The following USP22 variants were observed in gnomAD, a reference collection of about 807,000 sequenced individuals.
USP22 encodes the protein ubiquitin specific peptidase 22, also known as ubiquitin carboxyl-terminal hydrolase 22.
A neutral mutation model predicts 68.1 loss-of-function variants in USP22; 22 were observed. That is an observed-to-expected ratio of 0.32 (90% CI 0.23 to 0.46). The LOEUF (loss-of-function observed/expected upper bound fraction) is 0.46, where lower values mean the gene tolerates loss of function less well. Ranked by LOEUF, USP22 falls within the 20% of genes least tolerant of loss-of-function variation. The probability of loss-of-function intolerance (pLI) is 1.00; values close to 1 mark genes in which losing one functional copy is unlikely to be tolerated. For synonymous variants in USP22, 279 were observed against 274.2 expected (o/e 1.02, Z -0.17); for missense variants, 433 against 695.8 (o/e 0.62, Z 4.25).
intron 10 of USP22, among the ~76,000 whole-genome samples, chr17:21,005,866 T>G (rs143787061): frequency 3.3e-4 from 51 of 152,310 alleles, no homozygotes; most frequent in Middle Eastern, 3.4e-3. Flanking sequence ...AGTAAAGATG[T>G]TGAGATGAGA....
chr17:21,011,469 A>G, intron 7 of USP22, 160 bp from the exon 8 acceptor site: 1 of 909,674 alleles, frequency 1.1e-6, no homozygotes, highest in Non-Finnish European at 1.6e-6. Context: ...CAGTGCTCAC[A>G]CCCAACGTGT....
chr17:21,036,411 A>C (rs191110244), intron 1 of USP22, among the ~76,000 whole-genome samples: 8 of 151,316 alleles, frequency 5.3e-5, no homozygotes, highest in African/African-American at 1.9e-4. Flanking sequence ...CACATATAGG[A>C]CACAACTCCG....
intron 8 of USP22, among the ~76,000 whole-genome samples, chr17:21,009,675 C>G (rs1273326132): frequency 2.1e-5 from 3 of 141,792 alleles, no homozygotes; most frequent in Non-Finnish European, 4.9e-5. Context: ...TTTTGGTTGG[C>G]CGGGCATGCT....
intron 5 of USP22, among the ~76,000 whole-genome samples, chr17:21,017,705 C>CA (rs1972106017): frequency 6.6e-6 from 1 of 152,230 alleles, no homozygotes; most frequent in Admixed American, 6.5e-5. Flanking sequence ...GTCTCTGCCA[C>CA]AAGCCTCTCA....
rs1049848224 is a variant in USP22 at position 21,000,633 on chromosome 17, T to C, written c.*2398A>G. On this transcript the variant is annotated 3_prime_UTR_variant, in exon 13 of 13. Coordinates refer to ENST00000261497, the MANE Select transcript of USP22 (RefSeq NM_015276.2). ...AACCCAGGCAGCTGCCAGAAAGCCT[T>C]CTGCACTCCGCAAGACACCCCAGTA... 1 of 151,818 alleles carries C rather than the reference T, an allele frequency of 6.6e-6. No individual in the cohort carries two copies. 9.4% of individuals were successfully genotyped at this position (151,818 alleles called of 1,614,324 possible).
intron 12 of USP22, among the ~76,000 whole-genome samples, chr17:21,003,846 G>A (rs948021066): frequency 2.0e-5 from 3 of 149,990 alleles, no homozygotes; most frequent in African/African-American, 7.4e-5. Context: ...GGTGCAGTGA[G>A]CTGAGATCAT....
At chr17:21,019,250 A>G (rs1972124871) in intron 3 of USP22, 65 bp from the exon 4 acceptor site, 3 of 1,516,016 alleles carry the variant, frequency 2.0e-6, no homozygotes, top group Non-Finnish European at 2.7e-6. Context: ...GTGTTTACAC[A>G]TAAAAGCTGT....
intron 4 of USP22, among the ~76,000 whole-genome samples, chr17:21,018,808 C>T (rs1972119925): frequency 6.6e-6 from 1 of 152,224 alleles, no homozygotes; most frequent in African/African-American, 2.4e-5. Flanking sequence ...CTGTGCCCAG[C>T]CTCACCCTGG....
At chr17:21,021,916 A>G (rs1421386233) in intron 2 of USP22, among the ~76,000 whole-genome samples, 2 of 152,116 alleles carry the variant, frequency 1.3e-5, no homozygotes, top group Admixed American at 6.5e-5. Context: ...CCTGGTCAAC[A>G]TGGTGAAACC....
rs748408013 is a variant in USP22, at chr17:21,004,204, T to C, written c.1533A>G (p.Glu511=). The change falls in exon 12 of 13, where the codon GAA becomes GAG. Residue 511 remains glutamate (E), a splice_region_variant and synonymous_variant. Coordinates refer to ENST00000261497, the MANE Select transcript of USP22 (RefSeq NM_015276.2). ...KASIKDVLDS[E]GYLLFYHKQF... is the part of the protein sequence containing the mutation. The stretch of plus-strand genomic sequence containing the variant: ...TCCTCCCACCCCACAGGACGCACCC[T>C]TCGCTGTCCAGGACGTCCTTGATGC... 158 of 1,613,870 alleles carry C rather than the reference T, an allele frequency of 9.8e-5. No individual in the cohort carries two copies. Among genetic ancestry groups the C allele is most frequent in the Admixed American group, 3.0e-4 (18 of 59,992 alleles).
At chr17:21,011,857 G>T (rs1913980287) in intron 7 of USP22, among the ~76,000 whole-genome samples, 1 of 152,142 alleles carries the variant, frequency 6.6e-6, no homozygotes, top group African/African-American at 2.4e-5. Flanking sequence ...ATTTATACAG[G>T]ATTTAAATCT....
At chr17:21,042,641 C>G (rs777961862) in intron 1 of USP22, 24 bp downstream of exon 1, 1 of 1,260,010 alleles carries the variant, frequency 7.9e-7, no homozygotes. Flanking sequence ...CCGAGCCCGC[C>G]GCGCGGTGGG....
chr17:21,020,973 C>A (rs1044785199), intron 3 of USP22, 140 bp downstream of exon 3: 1 of 667,842 alleles, frequency 1.5e-6, no homozygotes, highest in Non-Finnish European at 2.7e-6. Context: ...CACTGTGGGC[C>A]TTAGGGGAAG....
rs771936582 is a variant in USP22, at chr17:21,006,833, G to T, written c.1322+63C>A. The T allele has an allele frequency of 5.2e-6, 7 of 1,358,160 alleles. No individual in the cohort carries two copies. In the East Asian group the frequency reaches 1.6e-4, roughly 31 times the overall value. The allele number at this position is 1,358,160 out of a possible 1,614,324, so 84.1% of individuals were successfully genotyped here. On this transcript the variant is annotated intron_variant, in intron 10 of 12. Transcript: ENST00000261497. ...TCATCTTAATAGGAGCTCCGAGCTGGATTCCTGTCCTGATAGGATCACAGC... is the reference window on the plus strand; with the variant it reads ...TCATCTTAATAGGAGCTCCGAGCTGTATTCCTGTCCTGATAGGATCACAGC...
intron 8 of USP22, among the ~76,000 whole-genome samples, chr17:21,008,850 G>A (rs1913858909): frequency 1.3e-5 from 2 of 152,070 alleles, no homozygotes; most frequent in African/African-American, 4.8e-5. Flanking sequence ...CACCACTTTG[G>A]GAGGCTGAGG....
chr17:21,042,574 G>A (rs4985967), intron 1 of USP22, 91 bp downstream of exon 1: 685,899 of 1,197,088 alleles, frequency 0.57, 199,342 homozygotes, highest in Middle Eastern at 0.68. Flanking sequence ...ACGGGGGAAG[G>A]GAAGAGGGCA....
chr17:21,004,502 G>A, intron 11 of USP22, 151 bp from the exon 12 acceptor site: 4 of 1,005,866 alleles, frequency 4.0e-6, no homozygotes, highest in South Asian at 3.3e-5. Context: ...ACAGGAGGCT[G>A]CAGGAACTAA....
At chr17:21,033,905 T>C (rs1352876517) in intron 1 of USP22, among the ~76,000 whole-genome samples, 1 of 152,014 alleles carries the variant, frequency 6.6e-6, no homozygotes, top group Non-Finnish European at 1.5e-5. Flanking sequence ...CGTGCCACCA[T>C]GCTCGGCTAA....
intron 1 of USP22, among the ~76,000 whole-genome samples, chr17:21,040,060 C>G (rs1415183788): frequency 6.6e-6 from 1 of 152,156 alleles, no homozygotes; most frequent in East Asian, 1.9e-4. Flanking sequence ...CGTGGTGACA[C>G]ACGCCCGTAG....
Sources: allele counts gnomAD v4.1 joint callset (sites outside exome capture counted in the v4.1 genomes callset), GRCh38; gene constraint gnomAD v4.1.1; transcripts MANE v1.5; gene names NCBI Gene and HGNC (gene_info 2026-07-23, HGNC 2026-07-21).